Variants in RSPH3 observed in about 807,000 individuals in gnomAD.
RSPH3 encodes radial spoke head 3, also known as radial spoke head protein 3 homolog.
Under a neutral mutation model 43.8 loss-of-function variants are expected in RSPH3, and 21 were observed. The observed-to-expected ratio is 0.48, with a 90% CI of 0.34 to 0.69. RSPH3 has a LOEUF of 0.69. Ranked by LOEUF, RSPH3 falls within the 30% of genes least tolerant of loss-of-function variation. The probability of loss-of-function intolerance (pLI) is 0.01; values close to 1 mark genes in which losing one functional copy is unlikely to be tolerated. For synonymous variants in RSPH3, 173 were observed against 179.8 expected, an observed-to-expected ratio of 0.96 and a Z score of 0.30; for missense variants, 487 against 516.0, an observed-to-expected ratio of 0.94 and a Z score of 0.54.
rs1777788499 is a variant in RSPH3, at chr6:158,974,948, C to T, written c.*2590G>A. 6.6e-6 allele frequency: 1 copy of T among 152,274 alleles called. No individual in the cohort carries two copies. Among genetic ancestry groups the T allele is most frequent in the South Asian group, 2.1e-4 (1 of 4,832 alleles). 9.4% of individuals were successfully genotyped at this position (152,274 alleles called of 1,614,324 possible). ...CTCCGCCTCCCGTGTTCAAGCGATT[C>T]TCCTGCCTCGGCCTCCTGAGTAGCT... On this transcript the variant is annotated 3_prime_UTR_variant, in exon 8 of 8. Transcript: ENST00000367069.
downstream of RSPH3, among the ~76,000 whole-genome samples, chr6:158,972,392 T>G (rs1469487746): frequency 1.3e-5 from 2 of 152,190 alleles, no homozygotes; most frequent in African/African-American, 4.8e-5. Context: ...AATGAACATT[T>G]TAAGAGTCTG....
Position 159,000,192 on chromosome 6 carries a change from G to C in RSPH3, c.-642C>G. 1.9e-6 allele frequency: 1 copy of C among 534,918 alleles called. No homozygotes were observed. Among genetic ancestry groups the C allele is most frequent in the Non-Finnish European group, 3.2e-6 (1 of 310,598 alleles). 33.1% of individuals were successfully genotyped at this position (534,918 alleles called of 1,614,324 possible). On this transcript the variant is annotated 5_prime_UTR_variant, in exon 1 of 8. Transcript: ENST00000367069. ...AGGCTCCCAGCTCTGTTACGTGCCC[G>C]GGCGGGGAAGAGCTTCCTGGTGTCT... is the stretch of plus-strand genomic sequence containing the variant.
Position 158,999,971 on chromosome 6 carries a change from CGTCATCCTT to C in RSPH3, c.-430_-422del. 5.7e-6 allele frequency: 9 copies of C among 1,592,558 alleles called. No homozygotes were observed. The highest frequency in any genetic ancestry group is 7.7e-6 in the Non-Finnish European group (9 of 1,168,646). On this transcript the variant is annotated 5_prime_UTR_variant, in exon 1 of 8. An upstream start codon of the reference 5' UTR is lost. Coordinates refer to ENST00000367069, the MANE Select transcript of RSPH3 (RefSeq NM_031924.8). ...GGGAGGCGGCCTTGGCTGGCTTGAC[CGTCATCCTT>C]GAGGCCTGCGGGGCAACGGTGGCTG...
intron 1 of RSPH3, among the ~76,000 whole-genome samples, chr6:158,996,825 C>T (rs1017585143): frequency 5.3e-5 from 8 of 152,140 alleles, no homozygotes; most frequent in Non-Finnish European, 1.2e-4. Flanking sequence ...TATGGTTTGT[C>T]GTCTCCACTA....
In RSPH3 at chr6:158,981,012, A is replaced by G. The variant is rs1024934436; in HGVS notation, c.697-76T>C. On this transcript the variant is annotated intron_variant, in intron 5 of 7. Coordinates refer to ENST00000367069, the MANE Select transcript of RSPH3 (RefSeq NM_031924.8). ...GCTGAATCTAGTGAAGTTAGTAAGT[A>G]CAAGAATCCAGACTTATCAAAAAAT... is the stretch of plus-strand genomic sequence containing the variant. 4 of 1,430,970 alleles carry G rather than the reference A, an allele frequency of 2.8e-6. No homozygotes were observed. The East Asian group carries it at 9.2e-5, about 33-fold the overall frequency. 88.6% of individuals were successfully genotyped at this position (1,430,970 alleles called of 1,614,324 possible). A position where few individuals can be genotyped will look rare whatever the true frequency, so the allele number is the denominator to read the frequency against.
At position 158,983,671 on chromosome 6, in the gene RSPH3, T is replaced by C. The variant is rs146991480; in HGVS notation, c.483A>G (p.Leu161=). Residue 161 remains leucine (L), a synonymous_variant, in exon 4 of 8, where the codon CTA becomes CTG. Coordinates refer to ENST00000367069, the MANE Select transcript of RSPH3 (RefSeq NM_031924.8). The part of the protein sequence containing the change: ...KTGKDVATQI[L]EGELFDFDLE... ...AAAGGATGTACTGTACCTCTCCTTC[T>C]AGTATTTGGGTGGCCACATCTTTGC... The C allele has an allele frequency of 1.3e-5, 21 of 1,613,054 alleles. No individual in the cohort carries two copies. The African/African-American group carries it at 2.4e-4, about 18-fold the overall frequency.
At chr6:158,963,943 C>T in the RSPH3 span, among the ~76,000 whole-genome samples, 1 of 152,150 alleles carries the variant, frequency 6.6e-6, no homozygotes, top group Admixed American at 6.5e-5. Context: ...CAATTTTTAA[C>T]AGCCATAGAT....
At chr6:158,963,335 C>T in the RSPH3 span, among the ~76,000 whole-genome samples, 1 of 135,024 alleles carries the variant, frequency 7.4e-6, no homozygotes, top group Non-Finnish European at 1.6e-5. Context: ...TTCCTTCCTT[C>T]CTTCTCCTTC....
In RSPH3 at chr6:158,973,024, G is replaced by A. The variant is rs1777720095; in HGVS notation, c.*4514C>T. On this transcript the variant is annotated 3_prime_UTR_variant, in exon 8 of 8. Transcript: ENST00000367069. ...CCCCACTTATAACACTCTTTTTTGG[G>A]TCTCTGACTGTGAACAAGATTGTGG... is the stretch of plus-strand genomic sequence containing the variant. 6.6e-6 allele frequency: 1 copy of A among 152,112 alleles called. No individual in the cohort carries two copies. Among genetic ancestry groups the A allele is most frequent in the African/African-American group, 2.4e-5 (1 of 41,428 alleles). 9.4% of individuals were successfully genotyped at this position (152,112 alleles called of 1,614,324 possible). A position where few individuals can be genotyped will look rare whatever the true frequency, so the allele number is the denominator to read the frequency against.
downstream of RSPH3, among the ~76,000 whole-genome samples, chr6:158,968,401 AT>A (rs1365467042): frequency 6.6e-6 from 1 of 151,800 alleles, no homozygotes; most frequent in Non-Finnish European, 1.5e-5. Context: ...TACCTGGCTA[AT>A]TTTGCGTATT....
Position 158,981,077 on chromosome 6 carries a change from C to T in RSPH3, c.697-141G>A, listed in dbSNP as rs974486392. On this transcript the variant is annotated intron_variant, in intron 5 of 7. Coordinates refer to ENST00000367069, the MANE Select transcript of RSPH3 (RefSeq NM_031924.8). ...CTATCTATTAAAGGTTCATATTTTT[C>T]ATCAAAAATTTAATGAATTTCAACA... 4 of 725,930 alleles carry T rather than the reference C, an allele frequency of 5.5e-6. No individual in the cohort carries two copies. The Admixed American group carries it at 8.7e-5, about 16-fold the overall frequency. 45.0% of individuals were successfully genotyped at this position (725,930 alleles called of 1,614,324 possible). A position where few individuals can be genotyped will look rare whatever the true frequency, so the allele number is the denominator to read the frequency against.
intron 1 of RSPH3, among the ~76,000 whole-genome samples, chr6:158,998,939 T>C (rs1203391311): frequency 6.6e-6 from 1 of 152,090 alleles, no homozygotes; most frequent in Admixed American, 6.5e-5. Flanking sequence ...TGGTCCTGCA[T>C]GGAAGAATAA....
intron 2 of RSPH3, among the ~76,000 whole-genome samples, chr6:158,991,580 A>G (rs1778406734): frequency 6.6e-6 from 1 of 152,190 alleles, no homozygotes; most frequent in South Asian, 2.1e-4. Context: ...ACTACCAGAT[A>G]GGACTGCAAT....
At position 158,976,758 on chromosome 6, in the gene RSPH3, C is replaced by T. The variant is rs1246925754; in HGVS notation, c.*780G>A. The stretch of plus-strand genomic sequence containing the variant: ...CCTTACTTGAATATTGAAGATGGTC[C>T]TTGCAGGAAGGGAGCACTGTGGCTT... On this transcript the variant is annotated 3_prime_UTR_variant, in exon 8 of 8. Transcript: ENST00000367069. 1.3e-5 allele frequency: 2 copies of T among 152,100 alleles called. No homozygotes were observed. Among genetic ancestry groups the T allele is most frequent in the Non-Finnish European group, 2.9e-5 (2 of 68,026 alleles). The allele number at this position is 152,100 out of a possible 1,614,324, so 9.4% of individuals were successfully genotyped here. A position where few individuals can be genotyped will look rare whatever the true frequency, so the allele number is the denominator to read the frequency against.
At chr6:158,993,985 A>T in intron 1 of RSPH3, 59 bp from the exon 2 acceptor site, 1 of 861,620 alleles carries the variant, frequency 1.2e-6, no homozygotes, top group Non-Finnish European at 1.9e-6. Context: ...CTATGAAGTA[A>T]CTCATTTTCA....
intron 5 of RSPH3, among the ~76,000 whole-genome samples, chr6:158,981,229 C>A (rs1778022350): frequency 6.6e-6 from 1 of 152,020 alleles, no homozygotes. Context: ...AGATAATCAC[C>A]ATTATATGTA....
Position 158,999,957 on chromosome 6 carries a change from T to C in RSPH3, c.-407A>G. 1 of 1,599,902 alleles carries C rather than the reference T, an allele frequency of 6.3e-7. No homozygotes were observed. The highest frequency in any genetic ancestry group is 1.7e-4 in the Middle Eastern group (1 of 5,980). ...GAGGTTCCTGGCTAGGGAGGCGGCC[T>C]TGGCTGGCTTGACCGTCATCCTTGA... is the stretch of plus-strand genomic sequence containing the variant. On this transcript the variant is annotated 5_prime_UTR_variant, in exon 1 of 8. Transcript: ENST00000367069.
In RSPH3 at chr6:158,993,850, T is replaced by C; in HGVS notation, c.193A>G (p.Thr65Ala). The change falls in exon 2 of 8, where the codon ACA (threonine) becomes GCA (alanine). Residue 65 changes from threonine (T) to alanine (A), a missense_variant. Transcript: ENST00000367069. ...VIRGNTYALQ[T>A]GPLLGRPDSL... ...CAAACTGAACTTACCAGTGGCCCTG[T>C]CTGGAGTGCATAAGTGTTACCTCGA... 1 of 1,598,692 alleles carries C rather than the reference T, an allele frequency of 6.3e-7. No individual in the cohort carries two copies. The highest frequency in any genetic ancestry group is 8.6e-7 in the Non-Finnish European group (1 of 1,166,318).
intron 4 of RSPH3, 50 bp from the exon 5 acceptor site, chr6:158,982,738 T>G: frequency 1.6e-6 from 2 of 1,274,498 alleles, no homozygotes; most frequent in Non-Finnish European, 2.2e-6. Context: ...ACGAATCAAA[T>G]GCTCAACAAA....
Sources: gnomAD v4.1 joint callset for allele counts (sites outside exome capture counted in the v4.1 genomes callset) on GRCh38, gnomAD v4.1.1 for gene constraint, MANE v1.5 for transcripts, NCBI Gene and HGNC (gene_info 2026-07-23, HGNC 2026-07-21) for gene names.